The following ATAD2B variants were observed in gnomAD, a reference collection of about 807,000 sequenced individuals.
The protein encoded by ATAD2B is ATPase family AAA domain-containing protein 2B.
In ATAD2B, 40 loss-of-function variants were observed where a neutral mutation model predicts 167.6. The observed-to-expected ratio is 0.24, with a 90% CI of 0.19 to 0.31. The LOEUF (loss-of-function observed/expected upper bound fraction) is 0.31, where lower values mean the gene tolerates loss of function less well. Among genes scored for constraint, ATAD2B ranks in the 10% least tolerant of loss-of-function variants. The pLI is 1.00. For synonymous variants in ATAD2B, 579 were observed against 596.5 expected (o/e 0.97, Z 0.43); for missense variants, 1,242 against 1,757.2 (o/e 0.71, Z 5.24).
At chr2:23,876,844 G>C (rs1313336142) in intron 7 of ATAD2B, among the ~76,000 whole-genome samples, 1 of 151,844 alleles carries the variant, frequency 6.6e-6, no homozygotes, top group Non-Finnish European at 1.5e-5. Flanking sequence ...GAGGCAGGTG[G>C]ATCACCTGAG....
At position 23,834,069 on chromosome 2, in the gene ATAD2B, T is replaced by C. The variant is rs774978202; in HGVS notation, c.1578A>G (p.Val526=). Residue 526 remains valine (V), a synonymous_variant, in exon 14 of 28, where the codon GTA becomes GTG. Transcript: ENST00000238789. ...SRQDQIHSSI[V]STLLALMDGL... ...CATCCATAAGAGCAAGGAGGGTTGA[T>C]ACTATAGAGCTGTAAAATAATTTTC... The C allele has an allele frequency of 1.9e-6, 3 of 1,593,358 alleles. No homozygotes were observed. The highest frequency in any genetic ancestry group is 1.7e-4 in the Middle Eastern group (1 of 6,012).
intron 2 of ATAD2B, among the ~76,000 whole-genome samples, chr2:23,894,632 T>A (rs1417833602): frequency 1.3e-5 from 2 of 152,152 alleles, no homozygotes; most frequent in Non-Finnish European, 2.9e-5. Context: ...GTTAGGAATA[T>A]TTATCTAGAA....
downstream of ATAD2B, among the ~76,000 whole-genome samples, chr2:23,744,124 G>A (rs1375118975): frequency 6.6e-6 from 1 of 152,146 alleles, no homozygotes; most frequent in Non-Finnish European, 1.5e-5. Flanking sequence ...CAAGAAGTGT[G>A]AAACGTGTGG....
the ATAD2B span, among the ~76,000 whole-genome samples, chr2:23,722,008 A>G: frequency 6.6e-6 from 1 of 152,252 alleles, no homozygotes; most frequent in Non-Finnish European, 1.5e-5. Context: ...GCAGCTGAAG[A>G]AACTATATGA....
chr2:23,684,354 ACT>A, the ATAD2B span: 1 of 1,316,542 alleles, frequency 7.6e-7, no homozygotes, highest in Non-Finnish European at 9.8e-7. The surrounding 1 kb of genome is among the most constrained non-coding windows in gnomAD (Gnocchi z 4.4). Context: ...AAAAAAAAAA[ACT>A]CTTAATGGGA....
the ATAD2B span, among the ~76,000 whole-genome samples, chr2:23,715,356 A>G: frequency 1.3e-4 from 20 of 152,092 alleles, no homozygotes; most frequent in African/African-American, 4.8e-4. Flanking sequence ...GGTGGATCAC[A>G]AGGTCAGGAG....
At chr2:23,875,383 C>G (rs955259816) in intron 8 of ATAD2B, among the ~76,000 whole-genome samples, 11 of 151,858 alleles carry the variant, frequency 7.2e-5, no homozygotes, top group Non-Finnish European at 8.8e-5. Flanking sequence ...ACCTGTAATC[C>G]CAGCTACTCG....
chr2:23,842,535 G>C (rs1691083763), intron 13 of ATAD2B, among the ~76,000 whole-genome samples: 1 of 152,170 alleles, frequency 6.6e-6, no homozygotes, highest in Admixed American at 6.5e-5. Context: ...GAAAAAGTAA[G>C]TTTCCTTCTC....
intron 1 of ATAD2B, among the ~76,000 whole-genome samples, chr2:23,915,493 T>C (rs1192058531): frequency 6.6e-6 from 1 of 150,944 alleles, no homozygotes; most frequent in African/African-American, 2.4e-5. Context: ...CGTATTGCTA[T>C]ATTGTCCAGG....
intron 1 of ATAD2B, among the ~76,000 whole-genome samples, chr2:23,924,685 CCT>C (rs1017030766): frequency 6.6e-6 from 1 of 152,090 alleles, no homozygotes; most frequent in African/African-American, 2.4e-5. Context: ...TCTTTAGTAC[CCT>C]GTTATTTATG....
intron 8 of ATAD2B, among the ~76,000 whole-genome samples, chr2:23,870,575 C>T (rs1011919737): frequency 1.3e-5 from 2 of 151,412 alleles, no homozygotes; most frequent in Admixed American, 1.3e-4. Flanking sequence ...TATAAGCCAC[C>T]GCACAGGGCC....
chr2:23,712,314 T>C, the ATAD2B span, among the ~76,000 whole-genome samples: 8 of 152,228 alleles, frequency 5.3e-5, no homozygotes, highest in Admixed American at 6.5e-5. Flanking sequence ...CTGTTAAAAA[T>C]AGTCCTCTTT....
Position 23,823,416 on chromosome 2 carries a change from T to G in ATAD2B, c.1973A>C (p.Gln658Pro). Residue 658 changes from glutamine (Q) to proline (P), a missense_variant, in exon 16 of 28, where the codon CAG becomes CCG. By Grantham distance (76) the Gln-to-Pro change is moderately conservative. Transcript: ENST00000238789. Reference sequence around the variant, plus strand: ...ACGTTGGGAAGCAGGCACGATATTCTGCATTGCATGGTAAAAATCTTGGGC... The same window carrying G: ...ACGTTGGGAAGCAGGCACGATATTCGGCATTGCATGGTAAAAATCTTGGGC... ...LSAQDFYHAM[Q>P]NIVPASQRAV... is the part of the protein sequence containing the mutation. The G allele has an allele frequency of 6.2e-7, 1 of 1,613,976 alleles. No individual in the cohort carries two copies. The highest frequency in any genetic ancestry group is 8.5e-7 in the Non-Finnish European group (1 of 1,179,892).
At chr2:23,891,672 G>A (rs1699513784) in intron 2 of ATAD2B, among the ~76,000 whole-genome samples, 1 of 150,858 alleles carries the variant, frequency 6.6e-6, no homozygotes, top group South Asian at 2.1e-4. Flanking sequence ...TATTTTTAGT[G>A]TAGACAGGGT....
chr2:23,687,629 G>A, the ATAD2B span, among the ~76,000 whole-genome samples: 1 of 152,226 alleles, frequency 6.6e-6, no homozygotes, highest in Non-Finnish European at 1.5e-5. Flanking sequence ...GAGACTTGTG[G>A]TCCAAGGGCC....
At chr2:23,918,760 G>A (rs1488709736) in intron 1 of ATAD2B, among the ~76,000 whole-genome samples, 1 of 152,158 alleles carries the variant, frequency 6.6e-6, no homozygotes, top group Non-Finnish European at 1.5e-5. Flanking sequence ...CAACATCAAA[G>A]AGTAATGATA....
intron 3 of ATAD2B, 51 bp downstream of exon 3, chr2:23,888,299 C>T: frequency 1.5e-6 from 2 of 1,295,940 alleles, no homozygotes; most frequent in Non-Finnish European, 1.1e-6. Context: ...ACTGCTTTCT[C>T]TAACATTGTA....
At chr2:23,830,909 C>T (rs900102335) in intron 14 of ATAD2B, among the ~76,000 whole-genome samples, 4 of 151,952 alleles carry the variant, frequency 2.6e-5, no homozygotes, top group African/African-American at 9.7e-5. Context: ...CCATTCTTAT[C>T]CTCTCCTTTC....
At chr2:23,906,013 C>T (rs1040212919) in intron 1 of ATAD2B, among the ~76,000 whole-genome samples, 30 of 152,038 alleles carry the variant, frequency 2.0e-4, no homozygotes, top group African/African-American at 6.5e-4. Context: ...TACACATTAT[C>T]GTTAGACCCA....
Sources: gnomAD v4.1 joint callset for allele counts (sites outside exome capture counted in the v4.1 genomes callset) on GRCh38, gnomAD v4.1.1 for gene constraint, Gnocchi (gnomAD v3.1) non-coding constraint, MANE v1.5 for transcripts, NCBI Gene and HGNC (gene_info 2026-07-23, HGNC 2026-07-21) for gene names.